The following NFIA variants were observed in gnomAD, a reference collection of about 807,000 sequenced individuals.
The protein encoded by NFIA is nuclear factor 1 A-type.
Under a neutral mutation model 62.8 loss-of-function variants are expected in NFIA, and 8 were observed. That is an observed-to-expected ratio of 0.13 (90% CI 0.07 to 0.23). NFIA has a LOEUF of 0.23. NFIA is among the 10% of genes least tolerant of loss of function. The pLI, the probability that NFIA is intolerant of heterozygous loss-of-function variation, is 1.00. For missense variants in NFIA, 410 were observed against 642.1 expected (o/e 0.64, Z 3.91); for synonymous variants, 235 against 238.1 (o/e 0.99, Z 0.12).
At chr1:61,160,540 T>C (rs1486874445) in intron 2 of NFIA, among the ~76,000 whole-genome samples, 1 of 152,216 alleles carries the variant, frequency 6.6e-6, no homozygotes, top group Non-Finnish European at 1.5e-5. Context: ...TAGAGGAAGA[T>C]TGGGGAATTG....
At chr1:61,414,133 C>T (rs953804275) in intron 9 of NFIA, among the ~76,000 whole-genome samples, 1 of 152,066 alleles carries the variant, frequency 6.6e-6, no homozygotes, top group Non-Finnish European at 1.5e-5. Flanking sequence ...CAGGTGCGCA[C>T]CACCACTTCC....
At chr1:61,406,948 G>A (rs1359597014) in intron 9 of NFIA, among the ~76,000 whole-genome samples, 1 of 152,158 alleles carries the variant, frequency 6.6e-6, no homozygotes. Context: ...AGATGGTGTA[G>A]CTACATACCT....
chr1:61,429,837 G>A (rs1008275549), intron 10 of NFIA, among the ~76,000 whole-genome samples: 3 of 152,190 alleles, frequency 2.0e-5, no homozygotes, highest in African/African-American at 7.2e-5. Context: ...AATACTGTAT[G>A]ATTCTACGGA....
chr1:61,082,165 C>T, upstream of NFIA: 2 of 689,164 alleles, frequency 2.9e-6, no homozygotes, highest in South Asian at 1.8e-5. Flanking sequence ...GTAACTGCTC[C>T]TCACTGCGTT....
At chr1:61,122,601 A>T (rs948547161) in intron 2 of NFIA, among the ~76,000 whole-genome samples, 1 of 152,132 alleles carries the variant, frequency 6.6e-6, no homozygotes, top group Non-Finnish European at 1.5e-5. Context: ...TCATGGTGCA[A>T]CTGGGGAGGG....
chr1:61,394,898 C>T (rs1417113160), intron 7 of NFIA, among the ~76,000 whole-genome samples: 4 of 152,110 alleles, frequency 2.6e-5, no homozygotes, highest in African/African-American at 9.7e-5. Context: ...CATTTGAGTT[C>T]AGGAGTTTGC....
rs1668464536 is a variant in NFIA at position 61,459,909 on chromosome 1, T to C, written c.*4589T>C. On this transcript the variant is annotated 3_prime_UTR_variant, in exon 11 of 11. Transcript: ENST00000403491. ...GAAATATCTTTGTCCATAGTGGTGG[T>C]GGAGTCTCTCTCTCTCTCTCTCTTT... 6.6e-6 allele frequency: 1 copy of C among 152,190 alleles called. No individual in the cohort carries two copies. The highest frequency in any genetic ancestry group is 1.5e-5 in the Non-Finnish European group (1 of 68,050). The allele number at this position is 152,190 out of a possible 1,614,324, so 9.4% of individuals were successfully genotyped here.
At chr1:61,173,669 T>C (rs964258403) in intron 2 of NFIA, among the ~76,000 whole-genome samples, 3 of 152,172 alleles carry the variant, frequency 2.0e-5, no homozygotes, top group African/African-American at 7.2e-5. Context: ...GGATTATAGA[T>C]GTGAGCCACT....
At position 61,205,915 on chromosome 1, in the gene NFIA, T is replaced by C. The variant is rs1476816035; in HGVS notation, c.560-71605T>C. On this transcript the variant is annotated intron_variant, in intron 2 of 10. Transcript: ENST00000403491. ...ATTTTGCAGCCCTTTTTTTTTTTTTTTTTTTTTTTTTTTTTGAGACAGGGT... is the reference window on the plus strand; with the variant it reads ...ATTTTGCAGCCCTTTTTTTTTTTTTCTTTTTTTTTTTTTTTGAGACAGGGT... Among the ~76,000 whole-genome samples the C allele has an allele frequency of 3.6e-3, 49 of 13,524 alleles. 1 individual carries two copies. Among genetic ancestry groups the C allele is most frequent in the Admixed American group, 0.031 (46 of 1,508 alleles). 8.9% of individuals were successfully genotyped at this position (13,524 alleles called of 152,430 possible).
intron 6 of NFIA, among the ~76,000 whole-genome samples, chr1:61,378,394 C>T (rs1167227326): frequency 1.3e-5 from 2 of 152,134 alleles, no homozygotes; most frequent in African/African-American, 4.8e-5. Flanking sequence ...TTACCGTTTT[C>T]TCTAGGTGAC....
chr1:61,109,454 A>G (rs973363654), intron 2 of NFIA, among the ~76,000 whole-genome samples: 1 of 151,722 alleles, frequency 6.6e-6, no homozygotes, highest in African/African-American at 2.4e-5. Flanking sequence ...GGCAAAAGTT[A>G]GGCAGAGTAA....
At chr1:61,250,324 G>A (rs1655943425) in intron 2 of NFIA, among the ~76,000 whole-genome samples, 1 of 152,154 alleles carries the variant, frequency 6.6e-6, no homozygotes, top group South Asian at 2.1e-4. Context: ...CTACTTAAAT[G>A]CAAGCAGACA....
intron 2 of NFIA, among the ~76,000 whole-genome samples, chr1:61,221,284 A>G (rs1188033170): frequency 1.3e-5 from 2 of 152,098 alleles, no homozygotes; most frequent in South Asian, 4.1e-4. Context: ...TATAAACAAA[A>G]TTATTATGGA....
chr1:61,227,965 G>A (rs1281537879), intron 2 of NFIA, among the ~76,000 whole-genome samples: 1 of 152,012 alleles, frequency 6.6e-6, no homozygotes, highest in African/African-American at 2.4e-5. Context: ...TCACTATTGT[G>A]GTCTGTACAT....
intron 2 of NFIA, among the ~76,000 whole-genome samples, chr1:61,166,042 A>C (rs768448901): frequency 6.6e-6 from 1 of 152,226 alleles, no homozygotes; most frequent in Non-Finnish European, 1.5e-5. Context: ...CCAGTCTGCT[A>C]TTCCAAATAA....
At chr1:61,249,402 G>A (rs970414285) in intron 2 of NFIA, among the ~76,000 whole-genome samples, 6 of 152,160 alleles carry the variant, frequency 3.9e-5, no homozygotes, top group African/African-American at 9.7e-5. Flanking sequence ...CAGCCAACAC[G>A]TTTTTTAAGT....
chr1:61,160,005 A>G (rs1026272751), intron 2 of NFIA, among the ~76,000 whole-genome samples: 7 of 152,148 alleles, frequency 4.6e-5, no homozygotes, highest in African/African-American at 1.7e-4. Context: ...TTAAAGTGTC[A>G]AATAAGCATA....
chr1:61,329,160 G>A (rs926314035), intron 3 of NFIA, among the ~76,000 whole-genome samples: 1 of 149,144 alleles, frequency 6.7e-6, no homozygotes, highest in Non-Finnish European at 1.5e-5. Flanking sequence ...CTGTTCTCCT[G>A]CCTCAGCCTC....
intron 2 of NFIA, among the ~76,000 whole-genome samples, chr1:61,111,496 A>G (rs1384327110): frequency 6.6e-6 from 1 of 152,178 alleles, no homozygotes; most frequent in Non-Finnish European, 1.5e-5. Flanking sequence ...GAAAGTAGCA[A>G]TGTGGAGTGG....
Sources: allele counts gnomAD v4.1 joint callset (sites outside exome capture counted in the v4.1 genomes callset), GRCh38; gene constraint gnomAD v4.1.1; transcripts MANE v1.5; gene names NCBI Gene and HGNC (gene_info 2026-07-23, HGNC 2026-07-21).